Variants in PRKX observed in about 807,000 individuals in gnomAD.
PRKX encodes the protein cAMP-dependent protein kinase catalytic subunit PRKX.
PRKX carries 12 observed loss-of-function variants against 22.0 expected under a neutral mutation model. The observed-to-expected ratio is 0.54, with a 90% CI of 0.35 to 0.88. The LOEUF is 0.88. Among genes scored for constraint, PRKX ranks in the 40% least tolerant of loss-of-function variants. PRKX has a pLI of 0.01. For synonymous variants in PRKX, 134 were observed against 137.7 expected, an observed-to-expected ratio of 0.97 and a Z score of 0.19; for missense variants, 217 against 308.0, an observed-to-expected ratio of 0.70 and a Z score of 2.21.
At chrX:3,618,630 AT>A (rs1405164274) in intron 6 of PRKX, among the ~76,000 whole-genome samples, 1 of 94,256 alleles carries the variant, frequency 1.1e-5, no homozygotes, top group Non-Finnish European at 2.2e-5. Flanking sequence ...TAAAAAAAAA[AT>A]AAAATAAAGT....
rs774495192 is a variant in PRKX at position 3,655,384 on chromosome X, G to A, written c.364C>T (p.Leu122Phe). The A allele has an allele frequency of 1.6e-6, 2 of 1,212,272 alleles. No homozygotes were observed. Among genetic ancestry groups the A allele is most frequent in the Non-Finnish European group, 2.2e-6 (2 of 895,660 alleles). The change falls in exon 3 of 9, where the codon CTC (leucine) becomes TTC (phenylalanine). Residue 122 changes from leucine (L) to phenylalanine (F), a missense_variant. Leu to Phe is a conservative substitution (Grantham distance 22). Coordinates refer to ENST00000262848, the MANE Select transcript of PRKX (RefSeq NM_005044.5). ...GGCACGTACTCCATGAGCATGTAGA[G>A]GAAGCGCTCGTCATGCCACGTCCAG... ...LFWTWHDERF[L>F]YMLMEYVPGG...
chrX:3,662,299 G>A (rs764889041), intron 2 of PRKX, among the ~76,000 whole-genome samples: 2 of 111,567 alleles, frequency 1.8e-5, no homozygotes, highest in Non-Finnish European at 3.8e-5. Flanking sequence ...GGTGGCTCAC[G>A]TCTGTAATTC....
intron 1 of PRKX, among the ~76,000 whole-genome samples, chrX:3,695,719 C>T (rs765328244): frequency 1.8e-5 from 2 of 111,912 alleles, no homozygotes; most frequent in Non-Finnish European, 3.8e-5. Context: ...TTAATCTTCT[C>T]TTAGGTTCTC....
At chrX:3,653,930 A>T (rs1194461834) in intron 3 of PRKX, among the ~76,000 whole-genome samples, 2 of 80,415 alleles carry the variant, frequency 2.5e-5, no homozygotes, top group African/African-American at 1.1e-4. Context: ...AATATATATT[A>T]TATACTATGT....
At chrX:3,611,326 C>A (rs1342892152) in intron 8 of PRKX, 1 of 111,820 alleles carries the variant, frequency 8.9e-6, no homozygotes, top group Non-Finnish European at 1.9e-5. Flanking sequence ...CTTCACATAA[C>A]TGGGAAGACT....
intron 4 of PRKX, among the ~76,000 whole-genome samples, chrX:3,627,197 C>T (rs746677807): frequency 5.5e-5 from 6 of 109,355 alleles, no homozygotes; most frequent in Non-Finnish European, 1.1e-4. Context: ...GTCTGGCCGA[C>T]ATGGTGAAAC....
intron 2 of PRKX, among the ~76,000 whole-genome samples, chrX:3,666,305 G>A (rs1247864391): frequency 1.4e-4 from 15 of 109,437 alleles, no homozygotes; most frequent in Non-Finnish European, 2.3e-4. Flanking sequence ...ACAGGCACCC[G>A]CCACCACGCC....
intron 4 of PRKX, among the ~76,000 whole-genome samples, chrX:3,632,349 C>T (rs751913900): frequency 1.8e-3 from 203 of 111,016 alleles, no homozygotes; most frequent in African/African-American, 6.4e-3. Flanking sequence ...CCAACCCTGC[C>T]GCCTCAGACG....
intron 1 of PRKX, among the ~76,000 whole-genome samples, chrX:3,679,809 G>A (rs1156248434): frequency 8.9e-6 from 1 of 111,999 alleles, no homozygotes; most frequent in Non-Finnish European, 1.9e-5. Flanking sequence ...TACTTTTAAG[G>A]TGGGCACGCC....
At chrX:3,676,137 T>C (rs1236373669) in intron 1 of PRKX, among the ~76,000 whole-genome samples, 2 of 111,548 alleles carry the variant, frequency 1.8e-5, no homozygotes, top group African/African-American at 3.3e-5. Flanking sequence ...TCCTCAGCAA[T>C]ATTTTTAAAC....
chrX:3,661,117 T>C (rs1224288751), intron 2 of PRKX, among the ~76,000 whole-genome samples: 2 of 111,331 alleles, frequency 1.8e-5, no homozygotes, highest in Non-Finnish European at 1.9e-5. Flanking sequence ...TATACACTAA[T>C]GCGGGATCAC....
At chrX:3,621,712 G>T (rs1360161612) in intron 5 of PRKX, among the ~76,000 whole-genome samples, 2 of 111,826 alleles carry the variant, frequency 1.8e-5, no homozygotes, top group South Asian at 7.5e-4. Context: ...CTGTCCTGGG[G>T]GTCTGCTTAT....
intron 2 of PRKX, among the ~76,000 whole-genome samples, chrX:3,662,472 G>A (rs1225778844): frequency 9.1e-6 from 1 of 110,116 alleles, no homozygotes; most frequent in Non-Finnish European, 1.9e-5. Context: ...AAGGTAGGTG[G>A]ATCACGAGGT....
chrX:3,617,188 TAC>T (rs1173326111), intron 6 of PRKX, among the ~76,000 whole-genome samples: 2 of 110,107 alleles, frequency 1.8e-5, no homozygotes, highest in African/African-American at 6.6e-5. Flanking sequence ...ACATTAAATA[TAC>T]ACATACTTAT....
At chrX:3,689,752 C>A (rs191610677) in intron 1 of PRKX, among the ~76,000 whole-genome samples, 11 of 111,657 alleles carry the variant, frequency 9.9e-5, no homozygotes, top group South Asian at 7.5e-4. Context: ...CCAAGGCGGG[C>A]GGATCACAAG....
At chrX:3,680,737 A>G (rs905835974) in intron 1 of PRKX, among the ~76,000 whole-genome samples, 2 of 112,021 alleles carry the variant, frequency 1.8e-5, no homozygotes, top group African/African-American at 6.5e-5. Flanking sequence ...GTGAAGACTC[A>G]CAACTGGCGG....
chrX:3,697,639 G>A (rs1345612677), intron 1 of PRKX, among the ~76,000 whole-genome samples: 2 of 109,699 alleles, frequency 1.8e-5, no homozygotes, highest in African/African-American at 6.7e-5. Context: ...CCAACTTCCA[G>A]GCTCAGGCGA....
At chrX:3,662,537 T>C (rs1345896250) in intron 2 of PRKX, among the ~76,000 whole-genome samples, 1 of 108,181 alleles carries the variant, frequency 9.2e-6, no homozygotes, top group Non-Finnish European at 1.9e-5. Flanking sequence ...CTACTAAAAA[T>C]ACAAAGTATT....
At chrX:3,689,955 T>A (rs764685272) in intron 1 of PRKX, among the ~76,000 whole-genome samples, 3 of 111,295 alleles carry the variant, frequency 2.7e-5, no homozygotes, top group Admixed American at 9.6e-5. Flanking sequence ...CCAGCCTGCG[T>A]GACAGAGCAA....
Sources: allele counts gnomAD v4.1 joint callset (sites outside exome capture counted in the v4.1 genomes callset), GRCh38; gene constraint gnomAD v4.1.1; transcripts MANE v1.5; gene names NCBI Gene and HGNC (gene_info 2026-07-23, HGNC 2026-07-21).